The following RGS6 variants were observed in gnomAD, a reference collection of about 807,000 sequenced individuals.
RGS6 encodes the protein regulator of G-protein signaling 6.
RGS6 carries 30 observed loss-of-function variants against 78.5 expected under a neutral mutation model. That is an observed-to-expected ratio of 0.38 (90% CI 0.29 to 0.52). RGS6 has a LOEUF of 0.52. Ranked by LOEUF, RGS6 falls within the 20% of genes least tolerant of loss-of-function variation. The pLI is 0.85. For synonymous variants in RGS6, 206 were observed against 206.0 expected (o/e 1.00, Z 0.00); for missense variants, 495 against 609.7 (o/e 0.81, Z 1.98).
intron 3 of RGS6, among the ~76,000 whole-genome samples, chr14:72,390,036 T>A (rs1319846421): frequency 1.3e-5 from 2 of 151,576 alleles, no homozygotes; most frequent in African/African-American, 4.8e-5. Flanking sequence ...AATAAACGGT[T>A]CTTTAAAATA....
intron 3 of RGS6, among the ~76,000 whole-genome samples, chr14:72,414,283 T>G (rs1479825088): frequency 6.6e-6 from 1 of 152,224 alleles, no homozygotes; most frequent in African/African-American, 2.4e-5. Flanking sequence ...CTTTTTTCTC[T>G]AAACTTCTCT....
rs2093419038 is a variant in RGS6, at chr14:71,964,820, C to T, written c.29C>T (p.Ala10Val). 1 of 1,613,702 alleles carries T rather than the reference C, an allele frequency of 6.2e-7. No individual in the cohort carries two copies. The highest frequency in any genetic ancestry group is 8.5e-7 in the Non-Finnish European group (1 of 1,179,900). The change falls in exon 2 of 18, where the codon GCA becomes GTA. Residue 10 changes from alanine (A) to valine (V), a missense_variant. Coordinates refer to ENST00000553525, the MANE Select transcript of RGS6 (RefSeq NM_001204424.2). The part of the protein sequence containing the change: MAQGSGDQR[A>V]VGVADPEESS... Reference sequence around the variant, plus strand: ...GCTCAAGGATCCGGGGATCAAAGAGCAGTGGGGGTTGCTGACCCAGAGGAG... The same window carrying T: ...GCTCAAGGATCCGGGGATCAAAGAGTAGTGGGGGTTGCTGACCCAGAGGAG...
intron 2 of RGS6, among the ~76,000 whole-genome samples, chr14:72,193,569 T>C (rs2039263864): frequency 6.6e-6 from 1 of 152,234 alleles, no homozygotes; most frequent in Admixed American, 6.5e-5. Flanking sequence ...GTTTACATTC[T>C]TATGAGAGAA....
the RGS6 span, among the ~76,000 whole-genome samples, chr14:71,889,536 C>G: frequency 1.3e-5 from 2 of 152,064 alleles, no homozygotes; most frequent in African/African-American, 2.4e-5. Flanking sequence ...TGTGGAAACT[C>G]TCCCTTAATA....
chr14:72,562,543 G>C lies in RGS6; in HGVS notation c.*76G>C. ...CGGCGGCGCTCCACATCTGCGGACA[G>C]AGTTTCCTTACGAGGAGACTTGGTC... On this transcript the variant is annotated 3_prime_UTR_variant, in exon 18 of 18. Coordinates refer to ENST00000553525, the MANE Select transcript of RGS6 (RefSeq NM_001204424.2). 6.3e-7 allele frequency: 1 copy of C among 1,594,434 alleles called. No homozygotes were observed. Among genetic ancestry groups the C allele is most frequent in the Non-Finnish European group, 8.5e-7 (1 of 1,175,900 alleles).
At chr14:72,379,152 T>G (rs1438959394) in intron 3 of RGS6, among the ~76,000 whole-genome samples, 1 of 152,080 alleles carries the variant, frequency 6.6e-6, no homozygotes, top group Non-Finnish European at 1.5e-5. Flanking sequence ...ATAAAAACTC[T>G]CAATTAAGAT....
the RGS6 span, among the ~76,000 whole-genome samples, chr14:72,580,209 C>T: frequency 3.3e-5 from 5 of 152,096 alleles, no homozygotes; most frequent in East Asian, 7.7e-4. Flanking sequence ...CTGGTAGTGA[C>T]ACCTTTCTCC....
the RGS6 span, among the ~76,000 whole-genome samples, chr14:72,605,575 G>A: frequency 1.0e-3 from 158 of 152,348 alleles, no homozygotes; most frequent in African/African-American, 3.5e-3. Context: ...TGAGGCTTAC[G>A]ACGCAGATGT....
At chr14:72,450,155 C>G (rs1316425375) in intron 3 of RGS6, among the ~76,000 whole-genome samples, 40 of 151,928 alleles carry the variant, frequency 2.6e-4, no homozygotes, top group Non-Finnish European at 4.9e-4. Context: ...TTTTTCCTCT[C>G]CATATTTATA....
At chr14:72,237,250 T>C (rs994872608) in intron 2 of RGS6, among the ~76,000 whole-genome samples, 3 of 152,200 alleles carry the variant, frequency 2.0e-5, no homozygotes, top group African/African-American at 7.2e-5. Context: ...TCTATTTACT[T>C]ATCGATGGTC....
chr14:72,220,399 AT>A (rs1384789970), intron 2 of RGS6, among the ~76,000 whole-genome samples: 2 of 152,126 alleles, frequency 1.3e-5, no homozygotes, highest in Non-Finnish European at 2.9e-5. Context: ...GTAGATTATG[AT>A]TTTGCAACTA....
the RGS6 span, among the ~76,000 whole-genome samples, chr14:71,909,150 C>T: frequency 6.6e-6 from 1 of 152,150 alleles, no homozygotes; most frequent in Non-Finnish European, 1.5e-5. Context: ...TAAATCTAGC[C>T]CCTTACAGTT....
Position 72,421,261 on chromosome 14 carries a change from A to G in RGS6, c.185-33267A>G, listed in dbSNP as rs796113852. 1.8e-4 allele frequency: 27 copies of G among 152,318 alleles called. 2 individuals carry two copies. The highest frequency in any genetic ancestry group is 5.8e-4 in the African/African-American group (24 of 41,498). 9.4% of individuals were successfully genotyped at this position (152,318 alleles called of 1,614,324 possible). ...GGAGTCAGAGCAGTGATCTGGCGGG[A>G]TGGGGTGATGAGCCATACGGAGATG... On this transcript the variant is annotated intron_variant, in intron 3 of 17. Transcript: ENST00000553525.
the RGS6 span, among the ~76,000 whole-genome samples, chr14:72,591,205 C>T: frequency 4.6e-5 from 7 of 151,804 alleles, no homozygotes; most frequent in African/African-American, 1.7e-4. Flanking sequence ...CACGAAAACC[C>T]GTTATATAAA....
intron 9 of RGS6, chr14:72,473,799 TATGTA>T (rs2096158398): frequency 6.6e-6 from 1 of 152,204 alleles, no homozygotes; most frequent in East Asian, 1.9e-4. Flanking sequence ...AAAGACAGCT[TATGTA>T]ATATATATCA....
intron 2 of RGS6, among the ~76,000 whole-genome samples, chr14:72,211,053 A>G (rs2044009679): frequency 6.6e-6 from 1 of 152,228 alleles, no homozygotes; most frequent in Non-Finnish European, 1.5e-5. Flanking sequence ...TAAATTCCTG[A>G]GAAAATACTA....
intron 13 of RGS6, among the ~76,000 whole-genome samples, chr14:72,505,408 T>C (rs2096786411): frequency 6.6e-6 from 1 of 152,228 alleles, no homozygotes; most frequent in African/African-American, 2.4e-5. Flanking sequence ...GAGCTCTCTC[T>C]GGTCTCTTAT....
chr14:72,419,496 A>C (rs891515264), intron 3 of RGS6, among the ~76,000 whole-genome samples: 1 of 152,218 alleles, frequency 6.6e-6, no homozygotes, highest in Non-Finnish European at 1.5e-5. Flanking sequence ...TATACCAGGA[A>C]CCAAATCCTA....
chr14:72,087,245 C>T (rs2095080358), intron 2 of RGS6, among the ~76,000 whole-genome samples: 1 of 152,092 alleles, frequency 6.6e-6, no homozygotes, highest in Non-Finnish European at 1.5e-5. Flanking sequence ...ATTCTCTTGC[C>T]TCAGCCTCCC....
Sources: allele counts gnomAD v4.1 joint callset (sites outside exome capture counted in the v4.1 genomes callset), GRCh38; gene constraint gnomAD v4.1.1; transcripts MANE v1.5; gene names NCBI Gene and HGNC (gene_info 2026-07-23, HGNC 2026-07-21).